Variants in PRDM7 observed in about 807,000 individuals in gnomAD.
The protein encoded by PRDM7 is PR/SET domain 7.
In PRDM7, 52 loss-of-function variants were observed where a neutral mutation model predicts 64.3. That is an observed-to-expected ratio of 0.81 (90% CI 0.65 to 1.02). PRDM7 has a LOEUF of 1.02. Ranked by LOEUF, PRDM7 falls within the 50% of genes least tolerant of loss-of-function variation. The probability of loss-of-function intolerance (pLI) is 0.00; values close to 1 mark genes in which losing one functional copy is unlikely to be tolerated. For missense variants in PRDM7, 574 were observed against 597.1 expected (o/e 0.96, Z 0.40); for synonymous variants, 192 against 210.1 (o/e 0.91, Z 0.74).
Position 90,058,439 on chromosome 16 carries a change from G to A in PRDM7, c.1329C>T (p.Leu443=), listed in dbSNP as rs1201415953. ...SVNMWNAITP[L]RTSQDHLQEN... The stretch of plus-strand genomic sequence containing the variant: ...CTTGCAGATGGTCCTGGGAAGTTCT[G>A]AGAGGAGTGATTGCGTTCCACATGT... Residue 443 remains leucine, a synonymous_variant, in exon 11 of 11, where the codon CTC becomes CTT. Coordinates refer to ENST00000449207, the MANE Select transcript of PRDM7 (RefSeq NM_001098173.2). 2.7e-5 allele frequency: 43 copies of A among 1,614,088 alleles called. No homozygotes were observed. In the East Asian group the frequency reaches 9.1e-4, roughly 34 times the overall value.
Position 90,075,981 on chromosome 16 carries a change from C to T in PRDM7, c.-71G>A. 6.5e-7 allele frequency: 1 copy of T among 1,532,518 alleles called. No individual in the cohort carries two copies. The highest frequency in any genetic ancestry group is 8.9e-7 in the Non-Finnish European group (1 of 1,121,158). The allele number at this position is 1,532,518 out of a possible 1,614,324, so 94.9% of individuals were successfully genotyped here. ...GAAGGGCCCCTGAGTCTCCCAGCTC[C>T]TAGGCCAAAGGCTCCTGTGGAAGGA... On this transcript the variant is annotated 5_prime_UTR_variant, in exon 2 of 11. Transcript: ENST00000449207. The surrounding 1 kb of genome is among the most constrained non-coding windows in gnomAD (Gnocchi z 4.3).
intron 4 of PRDM7, among the ~76,000 whole-genome samples, chr16:90,068,583 C>T (rs1292914413): frequency 2.0e-5 from 3 of 148,194 alleles, no homozygotes; most frequent in East Asian, 1.9e-4. Context: ...TGTAGTGAGC[C>T]GATATCATGC....
intron 4 of PRDM7, among the ~76,000 whole-genome samples, chr16:90,073,266 CAA>C (rs1278705498): frequency 6.6e-6 from 1 of 152,078 alleles, no homozygotes; most frequent in African/African-American, 2.4e-5. Context: ...ACATTTAACT[CAA>C]TAACTATTAT....
intron 7 of PRDM7, 92 bp from the exon 8 acceptor site, chr16:90,062,284 G>C: frequency 1.2e-6 from 2 of 1,613,842 alleles, no homozygotes; most frequent in Middle Eastern, 1.7e-4. Flanking sequence ...ACATTATTTA[G>C]CCCCAATCCT....
At position 90,075,442 on chromosome 16, in the gene PRDM7, G is replaced by C; in HGVS notation, c.102C>G (p.Tyr34Ter). Residue 34 changes from tyrosine (Y) to a stop codon, truncating the protein, a stop_gained, in exon 3 of 11, where the codon TAC becomes TAG. Transcript: ENST00000449207. LOFTEE classifies it high-confidence loss of function. The surrounding 1 kb of genome is among the most constrained non-coding windows in gnomAD (Gnocchi z 4.3). Reference protein sequence around the residue: ...VKDAFKDISIYFTKEEWAEMG... With the variant: ...VKDAFKDISI ...TTTCTGCCCATTCTTCCTTGGTGAA[G>C]TATATGGAAATGTCTTTGAAGGCAT... 1.2e-6 allele frequency: 2 copies of C among 1,614,178 alleles called. No homozygotes were observed. Among genetic ancestry groups the C allele is most frequent in the Non-Finnish European group, 1.7e-6 (2 of 1,180,028 alleles).
chr16:90,075,949 A>C lies in PRDM7; in HGVS notation c.-39T>G. 1 of 1,602,188 alleles carries C rather than the reference A, an allele frequency of 6.2e-7. No homozygotes were observed. Among genetic ancestry groups the C allele is most frequent in the South Asian group, 1.1e-5 (1 of 89,630 alleles). On this transcript the variant is annotated 5_prime_UTR_variant, in exon 2 of 11. Coordinates refer to ENST00000449207, the MANE Select transcript of PRDM7 (RefSeq NM_001098173.2). This position sits in a 1 kb window ranked among gnomAD's most constrained non-coding sequence, Gnocchi z 4.3. Reference sequence around the variant, plus strand: ...TCTAGAAGGCCCTGCTCCAATTCTGAGTGTGGGAAGGGCCCCTGAGTCTCC... The same window carrying C: ...TCTAGAAGGCCCTGCTCCAATTCTGCGTGTGGGAAGGGCCCCTGAGTCTCC...
chr16:90,063,512 GC>G, intron 6 of PRDM7, 99 bp downstream of exon 6: 2 of 1,355,804 alleles, frequency 1.5e-6, no homozygotes, highest in Non-Finnish European at 2.1e-6. Flanking sequence ...TCCAGCTTAA[GC>G]CCAGGCCTAT....
chr16:90,059,728 C>T (rs1485104007), intron 10 of PRDM7, among the ~76,000 whole-genome samples: 1 of 152,240 alleles, frequency 6.6e-6, no homozygotes, highest in Admixed American at 6.5e-5. Context: ...GACCTCAGCT[C>T]TCACACCGAT....
At chr16:90,076,428 TCTC>T (rs770252909) in intron 1 of PRDM7, among the ~76,000 whole-genome samples, 7,014 of 152,130 alleles carry the variant, frequency 0.046, 244 homozygotes, top group East Asian at 0.15. Flanking sequence ...GATTTGGGGA[TCTC>T]TACCTGGGGA....
rs1463060433 is a variant in PRDM7 at position 90,062,287 on chromosome 16, C to G, written c.611-95G>C. 3 of 1,613,736 alleles carry G rather than the reference C, an allele frequency of 1.9e-6. No individual in the cohort carries two copies. The African/African-American group carries it at 4.0e-5, about 22-fold the overall frequency. The stretch of plus-strand genomic sequence containing the variant: ...AGCGTGGCACTCACATTATTTAGCC[C>G]CAATCCTGTACTTTAATTCATTCGA... On this transcript the variant is annotated intron_variant, in intron 7 of 10. Transcript: ENST00000449207.
intron 9 of PRDM7, among the ~76,000 whole-genome samples, chr16:90,061,220 G>T (rs1486026736): frequency 6.6e-6 from 1 of 152,036 alleles, no homozygotes; most frequent in Non-Finnish European, 1.5e-5. Context: ...GGTTTATCTT[G>T]GTGCCTCAAT....
intron 9 of PRDM7, 25 bp downstream of exon 9, chr16:90,061,427 A>C (rs2037774599): frequency 5.1e-6 from 8 of 1,558,996 alleles, no homozygotes; most frequent in Non-Finnish European, 7.1e-6. Flanking sequence ...GTTCTCTCTG[A>C]AACTAAGAGA....
Position 90,058,360 on chromosome 16 carries a change from T to C in PRDM7, c.1408A>G (p.Asn470Asp), listed in dbSNP as rs149445824. Residue 470 changes from asparagine to aspartate, a missense_variant, in exon 11 of 11, where the codon AAT (asparagine) becomes GAT (aspartate). Physicochemically the swap from Asn to Asp is conservative, Grantham distance 23. Transcript: ENST00000449207. ...PAQGIRIRSG[N>D]ILIHAAVMTK... ...ATTACAGCAGCGTGGATCAGAATAT[T>C]GCCGCTCCTGATTCTGATCCCCTGG... The C allele has an allele frequency of 2.0e-4, 317 of 1,614,208 alleles. 2 individuals are homozygous for C. In the African/African-American group the frequency reaches 3.8e-3, roughly 19 times the overall value.
chr16:90,072,951 C>T (rs1229863189), intron 4 of PRDM7, among the ~76,000 whole-genome samples: 2 of 152,136 alleles, frequency 1.3e-5, no homozygotes, highest in African/African-American at 2.4e-5. Context: ...ATCGTAGACC[C>T]AATCCAAGTT....
intron 5 of PRDM7, 132 bp from the exon 6 acceptor site, chr16:90,063,900 G>A: frequency 1.7e-6 from 2 of 1,173,434 alleles, no homozygotes; most frequent in East Asian, 5.1e-5. Context: ...AATACTAGAG[G>A]GAAAAGACAA....
At chr16:90,073,867 C>T (rs1437518710) in intron 4 of PRDM7, among the ~76,000 whole-genome samples, 1 of 151,844 alleles carries the variant, frequency 6.6e-6, no homozygotes. Flanking sequence ...ACTGCCACCT[C>T]CACCTCCTGG....
At position 90,057,219 on chromosome 16, in the gene PRDM7, G is replaced by C. The variant is rs1218980768; in HGVS notation, c.*1070C>G. 6.5e-6 allele frequency: 1 copy of C among 154,730 alleles called. No homozygotes were observed. The highest frequency in any genetic ancestry group is 2.4e-5 in the African/African-American group (1 of 41,410). The allele number at this position is 154,730 out of a possible 1,614,324, so 9.6% of individuals were successfully genotyped here. On this transcript the variant is annotated 3_prime_UTR_variant, in exon 11 of 11. Coordinates refer to ENST00000449207, the MANE Select transcript of PRDM7 (RefSeq NM_001098173.2). ...GGGCTACAGAGATTGGAGGAAATCA[G>C]GAGAGGAGACAGGGGGAGCCAAGGG...
intron 10 of PRDM7, 150 bp from the exon 11 acceptor site, chr16:90,058,684 C>G: frequency 1.1e-6 from 1 of 923,660 alleles, no homozygotes; most frequent in Non-Finnish European, 1.7e-6. Context: ...CTTTACAGTC[C>G]ATTTTTCCAT....
chr16:90,073,792 C>A (rs1177124008), intron 4 of PRDM7, among the ~76,000 whole-genome samples: 1 of 151,328 alleles, frequency 6.6e-6, no homozygotes, highest in African/African-American at 2.4e-5. Context: ...ACTTTTTTTT[C>A]CCCCCGAGAC....
Sources: allele counts gnomAD v4.1 joint callset (sites outside exome capture counted in the v4.1 genomes callset), GRCh38; gene constraint gnomAD v4.1.1; non-coding constraint Gnocchi (gnomAD v3.1); transcripts MANE v1.5; gene names NCBI Gene and HGNC (gene_info 2026-07-23, HGNC 2026-07-21).